The following PHF20 variants were observed in gnomAD, a reference collection of about 807,000 sequenced individuals.
PHF20 encodes the protein PHD finger protein 20.
In PHF20, 23 loss-of-function variants were observed where a neutral mutation model predicts 113.5. The observed-to-expected ratio is 0.20, with a 90% CI of 0.15 to 0.29. PHF20 has a LOEUF of 0.29. Ranked by LOEUF, PHF20 falls within the 10% of genes least tolerant of loss-of-function variation. The pLI is 1.00. For synonymous variants in PHF20, 434 were observed against 457.3 expected (o/e 0.95, Z 0.65); for missense variants, 943 against 1,219.6 (o/e 0.77, Z 3.38).
intron 10 of PHF20, among the ~76,000 whole-genome samples, chr20:35,910,434 A>G (rs756267835): frequency 1.3e-5 from 2 of 152,116 alleles, no homozygotes; most frequent in Non-Finnish European, 2.9e-5. Flanking sequence ...TGAACTACAC[A>G]TATTTAAATG....
At chr20:35,888,512 G>A (rs2054781047) in intron 9 of PHF20, among the ~76,000 whole-genome samples, 2 of 152,192 alleles carry the variant, frequency 1.3e-5, no homozygotes, top group African/African-American at 4.8e-5. Context: ...CTTGGAAATA[G>A]TGATTTTCAT....
At chr20:35,867,406 T>A (rs1266462030) in intron 6 of PHF20, among the ~76,000 whole-genome samples, 1 of 152,086 alleles carries the variant, frequency 6.6e-6, no homozygotes, top group Non-Finnish European at 1.5e-5. Context: ...ACTACAGGCA[T>A]GTGCCACCAT....
At chr20:35,884,101 C>G (rs1011903510) in intron 9 of PHF20, among the ~76,000 whole-genome samples, 10 of 152,150 alleles carry the variant, frequency 6.6e-5, no homozygotes, top group African/African-American at 2.4e-4. Flanking sequence ...ACAGGACGAT[C>G]CAGAAAGATT....
chr20:35,795,190 T>TA lies in PHF20; in HGVS notation c.-32-6285dup, dbSNP rs112803709. On this transcript the variant is annotated intron_variant, in intron 1 of 17. Transcript: ENST00000374012. ...CTGGGGACAGAGCGAGACTCTGTCT[T>TA]AAAAAAAAAAAAAAAAGGAAGAAAA... Among the ~76,000 whole-genome samples the TA allele has an allele frequency of 5.3e-3, 709 of 134,978 alleles. 7 individuals are homozygous for TA. The highest frequency in any genetic ancestry group is 0.046 in the East Asian group (214 of 4,670). 88.6% of individuals were successfully genotyped at this position (134,978 alleles called of 152,430 possible). A position where few individuals can be genotyped will look rare whatever the true frequency, so the allele number is the denominator to read the frequency against.
intron 14 of PHF20, 152 bp downstream of exon 14, chr20:35,928,031 C>T: frequency 3.0e-6 from 2 of 657,020 alleles, no homozygotes; most frequent in Non-Finnish European, 2.7e-6. Context: ...GCTATCCTGC[C>T]TTGTGGCCAG....
At chr20:35,773,924 T>G (rs962423068) in intron 1 of PHF20, among the ~76,000 whole-genome samples, 11 of 152,186 alleles carry the variant, frequency 7.2e-5, no homozygotes, top group African/African-American at 2.7e-4. Context: ...CCAGCACTGC[T>G]TCTAGCCCAT....
At chr20:35,889,327 TC>T (rs145493020) in intron 9 of PHF20, among the ~76,000 whole-genome samples, 14,817 of 152,034 alleles carry the variant, frequency 0.097, 774 homozygotes, top group South Asian at 0.15. Flanking sequence ...TACATAATTT[TC>T]TATTTTGCTC....
intron 5 of PHF20, among the ~76,000 whole-genome samples, chr20:35,862,812 C>T (rs753722368): frequency 5.9e-5 from 9 of 152,072 alleles, no homozygotes; most frequent in East Asian, 1.9e-4. Context: ...GCACTGTCTC[C>T]GGAATAATTG....
intron 1 of PHF20, among the ~76,000 whole-genome samples, chr20:35,775,973 G>A (rs1049351483): frequency 2.0e-5 from 3 of 151,952 alleles, no homozygotes; most frequent in Non-Finnish European, 4.4e-5. Context: ...ACCACACCTG[G>A]CTAATTTTAA....
At chr20:35,858,034 AT>A (rs1302368792) in intron 4 of PHF20, among the ~76,000 whole-genome samples, 1 of 152,026 alleles carries the variant, frequency 6.6e-6, no homozygotes, top group African/African-American at 2.4e-5. Flanking sequence ...ATTCAGTGAA[AT>A]TTTTTTTATT....
At chr20:35,817,410 C>T (rs1600776098) in intron 2 of PHF20, among the ~76,000 whole-genome samples, 1 of 151,712 alleles carries the variant, frequency 6.6e-6, no homozygotes, top group African/African-American at 2.4e-5. Flanking sequence ...TAGTCTTGAT[C>T]TCCCGACCTC....
Position 35,899,579 on chromosome 20 carries a change from GGCCCTTCA to G in PHF20, c.1495_1502del (p.Pro499PhefsTer28). 6.2e-7 allele frequency: 1 copy of G among 1,614,092 alleles called. No individual in the cohort carries two copies. The highest frequency in any genetic ancestry group is 8.5e-7 in the Non-Finnish European group (1 of 1,180,032). ...GGGAAAGAGGCATGTCCAAACCAGGGGCCCTTCAGCTTCAGACAAGCCCAGCCAGGAGA... is the reference window on the plus strand; with the variant it reads ...GGGAAAGAGGCATGTCCAAACCAGGGGCTTCAGACAAGCCCAGCCAGGAGA... On this transcript the variant is annotated frameshift_variant, in exon 10 of 18. Transcript: ENST00000374012. LOFTEE classifies it high-confidence loss of function.
chr20:35,806,791 CTTTTTT>C (rs751352334), intron 2 of PHF20, among the ~76,000 whole-genome samples: 1 of 113,012 alleles, frequency 8.8e-6, no homozygotes, highest in African/African-American at 3.5e-5. Flanking sequence ...GACCTTTACT[CTTTTTT>C]TTTTTTTTTT....
chr20:35,945,451 G>C (rs945660333), intron 17 of PHF20, among the ~76,000 whole-genome samples: 3 of 152,216 alleles, frequency 2.0e-5, no homozygotes, highest in African/African-American at 7.2e-5. Context: ...GTTGGGGAAG[G>C]CTTCCCTAAA....
In PHF20 at chr20:35,918,597, G is replaced by T. The variant is rs181599592; in HGVS notation, c.2004+935G>T. ...AATTTTACATTTTTGTGTTCAAGAG[G>T]CTAGGTAGACCAAGGTCAGAATCTT... On this transcript the variant is annotated intron_variant, in intron 13 of 17. Coordinates refer to ENST00000374012, the MANE Select transcript of PHF20 (RefSeq NM_016436.5). 3.3e-5 allele frequency among the ~76,000 whole-genome samples: 5 copies of T among 152,288 alleles called. No homozygotes were observed. In the East Asian group the frequency reaches 9.6e-4, roughly 29 times the overall value.
chr20:35,855,809 G>C (rs1011715257), intron 4 of PHF20, among the ~76,000 whole-genome samples: 1 of 152,056 alleles, frequency 6.6e-6, no homozygotes, highest in Non-Finnish European at 1.5e-5. Flanking sequence ...GAGTAGCTGG[G>C]ATTGCAGGTG....
At chr20:35,844,753 A>T (rs562629193) in intron 3 of PHF20, among the ~76,000 whole-genome samples, 1 of 152,310 alleles carries the variant, frequency 6.6e-6, no homozygotes, top group East Asian at 1.9e-4. Context: ...TTATCATATT[A>T]AAACAAGGGT....
At chr20:35,942,818 GCTTT>G (rs967827343) in intron 17 of PHF20, among the ~76,000 whole-genome samples, 2 of 151,880 alleles carry the variant, frequency 1.3e-5, no homozygotes, top group African/African-American at 2.4e-5. Flanking sequence ...GATAAACTAA[GCTTT>G]CTTTCTTTCT....
intron 13 of PHF20, among the ~76,000 whole-genome samples, chr20:35,920,797 C>G (rs1336479086): frequency 6.6e-6 from 1 of 152,118 alleles, no homozygotes; most frequent in Non-Finnish European, 1.5e-5. Context: ...TTTTGAATAG[C>G]CTTCATAGTA....
Sources: gnomAD v4.1 joint callset for allele counts (sites outside exome capture counted in the v4.1 genomes callset) on GRCh38, gnomAD v4.1.1 for gene constraint, MANE v1.5 for transcripts, NCBI Gene and HGNC (gene_info 2026-07-23, HGNC 2026-07-21) for gene names.